The following CDYL2 variants were observed in gnomAD, a reference collection of about 807,000 sequenced individuals.
The protein encoded by CDYL2 is chromodomain Y like 2, also known as chromodomain Y-like protein 2.
A neutral mutation model predicts 49.4 loss-of-function variants in CDYL2; 23 were observed. The observed-to-expected ratio is 0.47, with a 90% CI of 0.34 to 0.66. The LOEUF (loss-of-function observed/expected upper bound fraction) is 0.66, where lower values mean the gene tolerates loss of function less well. CDYL2 is among the 30% of genes least tolerant of loss of function. The pLI, the probability that CDYL2 is intolerant of heterozygous loss-of-function variation, is 0.01. For missense variants in CDYL2, 678 were observed against 656.4 expected (o/e 1.03, Z -0.36); for synonymous variants, 360 against 268.8 (o/e 1.34, Z -3.32).
chr16:80,643,530 G>A (rs1908197848), intron 2 of CDYL2, among the ~76,000 whole-genome samples: 1 of 152,246 alleles, frequency 6.6e-6, no homozygotes, highest in Admixed American at 6.5e-5. Flanking sequence ...CCTTAGCAGA[G>A]GTTCTCCAAG....
chr16:80,652,060 C>G (rs1184660839), intron 2 of CDYL2, among the ~76,000 whole-genome samples: 42 of 152,120 alleles, frequency 2.8e-4, no homozygotes, highest in Admixed American at 2.7e-3. Flanking sequence ...AGGGTATATA[C>G]ACAGGTTAGT....
intron 2 of CDYL2, among the ~76,000 whole-genome samples, chr16:80,654,623 T>C (rs540188842): frequency 2.0e-5 from 3 of 152,232 alleles, no homozygotes; most frequent in East Asian, 3.9e-4. Flanking sequence ...ATAAATGGCA[T>C]TGGGAATCTT....
Position 80,602,049 on chromosome 16 carries a change from C to T in CDYL2, c.*2339G>A, listed in dbSNP as rs147247084. 14 of 152,264 alleles carry T rather than the reference C, an allele frequency of 9.2e-5. No homozygotes were observed. The highest frequency in any genetic ancestry group is 4.1e-4 in the South Asian group (2 of 4,822). The allele number at this position is 152,264 out of a possible 1,614,324, so 9.4% of individuals were successfully genotyped here. ...CTTCAACCGATGCTGAATATAACTG[C>T]GCCCAATCAGAAGTTCAACAGAAAA... On this transcript the variant is annotated 3_prime_UTR_variant, in exon 7 of 7. Coordinates refer to ENST00000570137, the MANE Select transcript of CDYL2 (RefSeq NM_152342.4).
At chr16:80,791,429 C>T (rs1907604488) in intron 1 of CDYL2, among the ~76,000 whole-genome samples, 1 of 152,142 alleles carries the variant, frequency 6.6e-6, no homozygotes, top group Admixed American at 6.5e-5. Context: ...CAATCACTGC[C>T]CTCACAAAGC....
At chr16:80,641,869 C>T (rs1434882866) in intron 2 of CDYL2, among the ~76,000 whole-genome samples, 1 of 149,668 alleles carries the variant, frequency 6.7e-6, no homozygotes, top group East Asian at 2.0e-4. Flanking sequence ...GCACATTGTG[C>T]ACATGTACCC....
intron 2 of CDYL2, chr16:80,679,796 G>C (rs1017536266): frequency 1.1e-5 from 5 of 455,818 alleles, no homozygotes; most frequent in Admixed American, 9.4e-5. Context: ...CATTAGTCTA[G>C]AGCAGTAGTT....
In CDYL2 at chr16:80,741,458, G is replaced by A. The variant is rs1442779500; in HGVS notation, c.25-56329C>T. 3.9e-5 allele frequency among the ~76,000 whole-genome samples: 6 copies of A among 152,104 alleles called. No homozygotes were observed. The South Asian group carries it at 8.3e-4, about 21-fold the overall frequency. On this transcript the variant is annotated intron_variant, in intron 1 of 6. Transcript: ENST00000570137. ...TTTAAATTTTCATATATCAAAAAGT[G>A]TCATAATCTAGGTTTTAAAAAAACA...
chr16:80,657,204 T>C (rs78208392), intron 2 of CDYL2, among the ~76,000 whole-genome samples: 3,987 of 152,220 alleles, frequency 0.026, 143 homozygotes, highest in African/African-American at 0.072. Context: ...ATGAAACAAT[T>C]TGACAAGGAC....
intron 5 of CDYL2, among the ~76,000 whole-genome samples, chr16:80,611,416 T>C (rs553290288): frequency 2.5e-4 from 38 of 152,238 alleles, no homozygotes; most frequent in Non-Finnish European, 4.1e-4. Flanking sequence ...TCAGAGTTTG[T>C]GGCTGCTCTG....
chr16:80,633,274 G>A (rs769854569), intron 2 of CDYL2, 38 bp from the exon 3 acceptor site: 7 of 1,585,696 alleles, frequency 4.4e-6, no homozygotes, highest in African/African-American at 1.3e-5. Flanking sequence ...AAACTGAAAT[G>A]GACCACGATC....
chr16:80,620,416 G>C (rs537686979), intron 4 of CDYL2, among the ~76,000 whole-genome samples: 1 of 152,312 alleles, frequency 6.6e-6, no homozygotes, highest in South Asian at 2.1e-4. Context: ...GGCGGGAGTA[G>C]TGTGGACAAC....
intron 2 of CDYL2, among the ~76,000 whole-genome samples, chr16:80,683,865 T>C (rs1416590959): frequency 1.3e-5 from 2 of 152,240 alleles, no homozygotes; most frequent in Non-Finnish European, 2.9e-5. Flanking sequence ...GCCTTCATCA[T>C]GGACTTCTAG....
At chr16:80,790,885 G>A (rs1907587995) in intron 1 of CDYL2, among the ~76,000 whole-genome samples, 1 of 152,162 alleles carries the variant, frequency 6.6e-6, no homozygotes. Context: ...TTTTCAAGGA[G>A]ACTCTCCAGA....
At chr16:80,724,928 T>A (rs1161033501) in intron 1 of CDYL2, among the ~76,000 whole-genome samples, 1 of 152,202 alleles carries the variant, frequency 6.6e-6, no homozygotes, top group Non-Finnish European at 1.5e-5. Context: ...CTCTGTAAGA[T>A]CGTGTCCTCA....
At chr16:80,661,733 T>A (rs1014724800) in intron 2 of CDYL2, among the ~76,000 whole-genome samples, 1 of 152,304 alleles carries the variant, frequency 6.6e-6, no homozygotes, top group East Asian at 1.9e-4. Flanking sequence ...AAAATGTGGA[T>A]GCCACATCTG....
chr16:80,792,725 T>G (rs1907649307), intron 1 of CDYL2, among the ~76,000 whole-genome samples: 1 of 152,090 alleles, frequency 6.6e-6, no homozygotes, highest in South Asian at 2.1e-4. Context: ...CAGGAGTATC[T>G]CCTTTTCAGG....
chr16:80,626,014 A>C (rs56341324), intron 3 of CDYL2, among the ~76,000 whole-genome samples: 3,028 of 152,142 alleles, frequency 0.02, 117 homozygotes, highest in African/African-American at 0.07. Context: ...CCAGCAAAGA[A>C]ATTGGTGGAT....
At chr16:80,726,001 T>G (rs1230945520) in intron 1 of CDYL2, among the ~76,000 whole-genome samples, 1 of 152,224 alleles carries the variant, frequency 6.6e-6, no homozygotes, top group Non-Finnish European at 1.5e-5. Flanking sequence ...CCTTAGAATT[T>G]ATTTAAGCTT....
At chr16:80,761,729 T>C (rs1906537708) in intron 1 of CDYL2, among the ~76,000 whole-genome samples, 1 of 152,142 alleles carries the variant, frequency 6.6e-6, no homozygotes, top group Non-Finnish European at 1.5e-5. Context: ...AAAAGGTATA[T>C]CTACATCTAT....
Sources: allele counts gnomAD v4.1 joint callset (sites outside exome capture counted in the v4.1 genomes callset), GRCh38; gene constraint gnomAD v4.1.1; transcripts MANE v1.5; gene names NCBI Gene and HGNC (gene_info 2026-07-23, HGNC 2026-07-21).